MBD5: variants seen among roughly 807,000 people sequenced by gnomAD.
The protein encoded by MBD5 is methyl-CpG binding domain protein 5.
A neutral mutation model predicts 117.3 loss-of-function variants in MBD5; 13 were observed. The ratio of observed to expected loss-of-function variants is 0.11; its 90% confidence interval spans 0.07 to 0.18. The LOEUF (loss-of-function observed/expected upper bound fraction) is 0.18, where lower values mean the gene tolerates loss of function less well. Ranked by LOEUF, MBD5 falls within the 10% of genes least tolerant of loss-of-function variation. The pLI is 1.00. For missense variants in MBD5, 1,879 were observed against 2,093.8 expected (o/e 0.90, Z 2.00); for synonymous variants, 727 against 766.4 (o/e 0.95, Z 0.85).
At chr2:148,053,855 G>A (rs985651387) in intron 1 of MBD5, 1 of 148,686 alleles carries the variant, frequency 6.7e-6, no homozygotes, top group Non-Finnish European at 1.5e-5. Flanking sequence ...ATCCAATGAA[G>A]TTTTTTTCTT....
intron 1 of MBD5, among the ~76,000 whole-genome samples, chr2:148,091,556 G>A: frequency 6.6e-6 from 1 of 152,116 alleles, no homozygotes; most frequent in East Asian, 1.9e-4. Context: ...ATAAAGTGGA[G>A]AAAGGATACC....
chr2:148,438,310 G>A lies in MBD5; in HGVS notation c.-556-19893G>A, dbSNP rs183420370. Among the ~76,000 whole-genome samples the A allele has an allele frequency of 3.9e-5, 6 of 152,236 alleles. No individual in the cohort carries two copies. The East Asian group carries it at 9.6e-4, about 24-fold the overall frequency. On this transcript the variant is annotated intron_variant, in intron 4 of 13. Coordinates refer to ENST00000642680, the MANE Select transcript of MBD5 (RefSeq NM_001378120.1). ...TCACTGCACTTGTATTTGGAGAGTCGTAGTGGTCTACACATTTTGTAAGTA... is the reference window on the plus strand; with the variant it reads ...TCACTGCACTTGTATTTGGAGAGTCATAGTGGTCTACACATTTTGTAAGTA...
intron 4 of MBD5, among the ~76,000 whole-genome samples, chr2:148,400,318 G>A (rs557523916): frequency 1.3e-5 from 2 of 152,132 alleles, no homozygotes; most frequent in South Asian, 2.1e-4. Context: ...TTAAAGCAGG[G>A]TTAGCACCTA....
intron 3 of MBD5, among the ~76,000 whole-genome samples, chr2:148,256,018 A>G (rs1700580962): frequency 6.6e-6 from 1 of 152,258 alleles, no homozygotes; most frequent in South Asian, 2.1e-4. Context: ...GGTGAACAAC[A>G]GGCCTGTGGC....
intron 1 of MBD5, among the ~76,000 whole-genome samples, chr2:148,162,429 G>A (rs1235598152): frequency 1.3e-5 from 2 of 152,058 alleles, no homozygotes; most frequent in Non-Finnish European, 2.9e-5. Context: ...TTCACATTTA[G>A]GCTGATGTTA....
intron 3 of MBD5, among the ~76,000 whole-genome samples, chr2:148,268,327 C>A (rs1700907048): frequency 6.6e-6 from 1 of 152,072 alleles, no homozygotes; most frequent in African/African-American, 2.4e-5. Context: ...CGCAATCCCC[C>A]CACCCAGGCC....
chr2:148,195,974 G>A (rs1698976473), intron 2 of MBD5, among the ~76,000 whole-genome samples: 1 of 152,116 alleles, frequency 6.6e-6, no homozygotes, highest in Non-Finnish European at 1.5e-5. Flanking sequence ...AATAACATAA[G>A]GAATGGATGG....
intron 1 of MBD5, among the ~76,000 whole-genome samples, chr2:148,060,019 C>T (rs1573967002): frequency 7.0e-6 from 1 of 143,448 alleles, no homozygotes; most frequent in Non-Finnish European, 1.5e-5. Context: ...GGCACGGTGG[C>T]TTATGCCTGT....
At chr2:148,058,386 T>A (rs1263770667) in intron 1 of MBD5, among the ~76,000 whole-genome samples, 1 of 152,050 alleles carries the variant, frequency 6.6e-6, no homozygotes, top group Non-Finnish European at 1.5e-5. Flanking sequence ...ATCTCATCGC[T>A]TTATACTTAA....
intron 4 of MBD5, among the ~76,000 whole-genome samples, chr2:148,444,262 C>G (rs2105422596): frequency 6.6e-6 from 1 of 151,446 alleles, no homozygotes; most frequent in Non-Finnish European, 1.5e-5. Flanking sequence ...CTAATACTTT[C>G]TCGCCCGTGT....
intron 10 of MBD5, among the ~76,000 whole-genome samples, chr2:148,486,202 C>G (rs1263044763): frequency 6.6e-6 from 1 of 152,050 alleles, no homozygotes; most frequent in East Asian, 1.9e-4. Flanking sequence ...CCCTCATAAG[C>G]CCTTTTGTCA....
intron 1 of MBD5, among the ~76,000 whole-genome samples, chr2:148,141,247 A>G (rs1697305621): frequency 6.6e-6 from 1 of 152,180 alleles, no homozygotes; most frequent in Admixed American, 6.5e-5. Context: ...GAGCAAGGAA[A>G]TACCTCTTTA....
At chr2:148,472,430 T>C (rs1680826770) in intron 8 of MBD5, 1 of 152,112 alleles carries the variant, frequency 6.6e-6, no homozygotes, top group African/African-American at 2.4e-5. Context: ...TTAAACCTAA[T>C]AAAATTAAAT....
chr2:148,416,600 T>C (rs1574401422), intron 4 of MBD5, among the ~76,000 whole-genome samples: 1 of 152,318 alleles, frequency 6.6e-6, no homozygotes, highest in South Asian at 2.1e-4. Context: ...ACATTTGCTT[T>C]TCGGTTTTTT....
intron 4 of MBD5, among the ~76,000 whole-genome samples, chr2:148,418,851 C>T: frequency 6.6e-6 from 1 of 152,054 alleles, no homozygotes; most frequent in East Asian, 1.9e-4. Context: ...CAATGTTATT[C>T]TTTATAGAAT....
At chr2:148,073,340 T>A (rs780033930) in intron 1 of MBD5, among the ~76,000 whole-genome samples, 2 of 152,174 alleles carry the variant, frequency 1.3e-5, no homozygotes, top group Non-Finnish European at 2.9e-5. Flanking sequence ...CAAATTAAAC[T>A]CTTGGAGTTA....
At chr2:148,207,631 G>A (rs1257277567) in intron 2 of MBD5, among the ~76,000 whole-genome samples, 3 of 151,392 alleles carry the variant, frequency 2.0e-5, no homozygotes, top group Non-Finnish European at 4.4e-5. Flanking sequence ...ATACCCACTG[G>A]CGTGACTATT....
At chr2:148,482,338 T>G (rs1358772499) in intron 8 of MBD5, among the ~76,000 whole-genome samples, 1 of 152,102 alleles carries the variant, frequency 6.6e-6, no homozygotes, top group Non-Finnish European at 1.5e-5. Context: ...TTGATTAAAG[T>G]ACAGTATATC....
At chr2:148,368,832 A>T (rs1388647751) in intron 4 of MBD5, among the ~76,000 whole-genome samples, 1 of 152,184 alleles carries the variant, frequency 6.6e-6, no homozygotes, top group Non-Finnish European at 1.5e-5. Context: ...TTATAACTCT[A>T]TTATCCCTTC....
Sources: gnomAD v4.1 joint callset for allele counts (sites outside exome capture counted in the v4.1 genomes callset) on GRCh38, gnomAD v4.1.1 for gene constraint, MANE v1.5 for transcripts, NCBI Gene and HGNC (gene_info 2026-07-23, HGNC 2026-07-21) for gene names.